Variants in EVI5 observed in about 807,000 individuals in gnomAD.
EVI5 encodes ecotropic viral integration site 5.
A neutral mutation model predicts 112.0 loss-of-function variants in EVI5; 73 were observed. The ratio of observed to expected loss-of-function variants is 0.65; its 90% confidence interval spans 0.54 to 0.79. EVI5 has a LOEUF of 0.79. Ranked by LOEUF, EVI5 falls within the 30% of genes least tolerant of loss-of-function variation. The pLI, the probability that EVI5 is intolerant of heterozygous loss-of-function variation, is 0.00. For synonymous variants in EVI5, 305 were observed against 319.9 expected (o/e 0.95, Z 0.50); for missense variants, 900 against 968.8 (o/e 0.93, Z 0.94).
chr1:92,709,850 T>C (rs1281251882), intron 2 of EVI5, among the ~76,000 whole-genome samples: 1 of 152,050 alleles, frequency 6.6e-6, no homozygotes, highest in African/African-American at 2.4e-5. Context: ...AGAAGGCTTT[T>C]AAACAGGTTT....
chr1:92,520,044 G>C (rs1051176467), intron 19 of EVI5, among the ~76,000 whole-genome samples: 2 of 151,984 alleles, frequency 1.3e-5, no homozygotes, highest in Admixed American at 6.6e-5. Context: ...CTGGGGGAGA[G>C]AAAAGAAAGG....
intron 19 of EVI5, among the ~76,000 whole-genome samples, chr1:92,544,182 TG>T (rs1407508847): frequency 6.6e-6 from 1 of 152,130 alleles, no homozygotes; most frequent in Non-Finnish European, 1.5e-5. Flanking sequence ...GAATAAGGCT[TG>T]GAGAGAAATA....
chr1:92,792,408 G>T, upstream of EVI5: 1 of 1,602,722 alleles, frequency 6.2e-7, no homozygotes. Flanking sequence ...AAGCAGAGAA[G>T]ACAGAGAGAC....
At position 92,510,516 on chromosome 1, in the gene EVI5, C is replaced by A. The variant is rs1659125319; in HGVS notation, c.*3140G>T. The A allele has an allele frequency of 6.6e-6, 1 of 152,152 alleles. No homozygotes were observed. Among genetic ancestry groups the A allele is most frequent in the Non-Finnish European group, 1.5e-5 (1 of 68,024 alleles). 9.4% of individuals were successfully genotyped at this position (152,152 alleles called of 1,614,324 possible). On this transcript the variant is annotated 3_prime_UTR_variant, in exon 20 of 20. Transcript: ENST00000684568. The stretch of plus-strand genomic sequence containing the variant: ...CAAATCATAAGCTTAATAGCAAAAG[C>A]AAACAATTTGACCTACCACTGAGCT...
chr1:92,552,258 C>A (rs1007856860), intron 19 of EVI5, among the ~76,000 whole-genome samples: 2 of 151,972 alleles, frequency 1.3e-5, no homozygotes, highest in African/African-American at 4.8e-5. Context: ...TTTCAAAAGA[C>A]CCTAAGAAAT....
intron 19 of EVI5, among the ~76,000 whole-genome samples, chr1:92,538,795 ATC>A (rs778026148): frequency 9.7e-4 from 147 of 152,266 alleles, no homozygotes; most frequent in Non-Finnish European, 1.6e-3. Context: ...GGGAGGAGAA[ATC>A]AGGCACAGGT....
intron 1 of EVI5, among the ~76,000 whole-genome samples, chr1:92,776,803 CTTTT>C (rs1229355512): frequency 7.6e-6 from 1 of 130,908 alleles, no homozygotes; most frequent in Non-Finnish European, 1.6e-5. Flanking sequence ...AGCCAGCTAA[CTTTT>C]TTTTTTTTTT....
intron 18 of EVI5, among the ~76,000 whole-genome samples, chr1:92,594,610 A>G (rs1442506897): frequency 6.6e-6 from 1 of 151,662 alleles, no homozygotes; most frequent in Non-Finnish European, 1.5e-5. Context: ...AAAAGAAACT[A>G]CCATCAGAGT....
At chr1:92,540,844 C>T (rs911803353) in intron 19 of EVI5, among the ~76,000 whole-genome samples, 4 of 152,106 alleles carry the variant, frequency 2.6e-5, no homozygotes, top group East Asian at 1.9e-4. Flanking sequence ...GAGGCCGAGG[C>T]GGGAGGATCA....
chr1:92,751,498 T>G (rs1232532548), intron 1 of EVI5, among the ~76,000 whole-genome samples: 1 of 152,238 alleles, frequency 6.6e-6, no homozygotes, highest in Non-Finnish European at 1.5e-5. Flanking sequence ...TACACAACTG[T>G]GATCCCAGGT....
rs749965289 is a variant in EVI5 at position 92,636,233 on chromosome 1, T to C, written c.1496A>G (p.Glu499Gly). 1 of 1,613,526 alleles carries C rather than the reference T, an allele frequency of 6.2e-7. No individual in the cohort carries two copies. The highest frequency in any genetic ancestry group is 1.1e-5 in the South Asian group (1 of 90,944). ...SEAESQCALK[E>G]MQDKVLDIEK... ...TATATCCAAGACTTTATCCTGCATC[T>C]CTTTTAATGCACACTGAGACTCAGC... The change falls in exon 14 of 20, where the codon GAG becomes GGG. Residue 499 changes from glutamate (E) to glycine (G), a missense_variant. Transcript: ENST00000684568.
At chr1:92,522,565 G>C (rs905650687) in intron 19 of EVI5, among the ~76,000 whole-genome samples, 1 of 132,048 alleles carries the variant, frequency 7.6e-6, no homozygotes, top group African/African-American at 2.9e-5. Flanking sequence ...CCTGGGAGGC[G>C]GGGGTTCACT....
At chr1:92,791,113 G>A (rs1038869242) in intron 1 of EVI5, among the ~76,000 whole-genome samples, 2 of 152,190 alleles carry the variant, frequency 1.3e-5, no homozygotes, top group African/African-American at 4.8e-5. Context: ...ACCAGAATGG[G>A]ACATCAATAG....
At chr1:92,627,431 TTGAGTTGGTTCCAC>T (rs536888361) in intron 14 of EVI5, among the ~76,000 whole-genome samples, 135 of 152,344 alleles carry the variant, frequency 8.9e-4, no homozygotes, top group Middle Eastern at 3.4e-3. Flanking sequence ...TGATGGGCAT[TTGAGTTGGTTCCAC>T]GATTTTGCAA....
At chr1:92,660,449 G>A (rs983306937) in intron 13 of EVI5, among the ~76,000 whole-genome samples, 1 of 151,952 alleles carries the variant, frequency 6.6e-6, no homozygotes, top group African/African-American at 2.4e-5. Flanking sequence ...GTGATGGGAA[G>A]AGAATGGTCA....
intron 9 of EVI5, among the ~76,000 whole-genome samples, chr1:92,685,991 C>T (rs942667044): frequency 2.6e-5 from 4 of 152,146 alleles, no homozygotes; most frequent in African/African-American, 9.7e-5. Flanking sequence ...TTGCACCATT[C>T]CTTCCGAAAC....
chr1:92,672,440 A>G (rs1048531264), intron 10 of EVI5, among the ~76,000 whole-genome samples: 3 of 152,098 alleles, frequency 2.0e-5, no homozygotes, highest in Non-Finnish European at 4.4e-5. Context: ...AGATAGTCAC[A>G]TATCTAGTCC....
intron 2 of EVI5, among the ~76,000 whole-genome samples, chr1:92,721,046 T>C (rs1180981530): frequency 6.6e-6 from 1 of 152,094 alleles, no homozygotes. Context: ...GGAGAGGATG[T>C]GGAGAAATAG....
Position 92,773,152 on chromosome 1 carries a change from G to C in EVI5, c.-82+11684C>G, listed in dbSNP as rs575122810. 1.2e-3 allele frequency among the ~76,000 whole-genome samples: 169 copies of C among 145,570 alleles called. 1 individual carries two copies. The highest frequency in any genetic ancestry group is 1.8e-3 in the Non-Finnish European group (122 of 67,398). On this transcript the variant is annotated intron_variant, in intron 1 of 19. Coordinates refer to ENST00000684568, the MANE Select transcript of EVI5 (RefSeq NM_001350197.2). ...ACCCAGGAGGCAGAGGTTGCAGTGA[G>C]CCGAGATCGTGCCATTGCACTCCAG... is the stretch of plus-strand genomic sequence containing the variant.
Sources: allele counts gnomAD v4.1 joint callset (sites outside exome capture counted in the v4.1 genomes callset), GRCh38; gene constraint gnomAD v4.1.1; transcripts MANE v1.5; gene names NCBI Gene and HGNC (gene_info 2026-07-23, HGNC 2026-07-21).